RELN: variants seen among roughly 807,000 people sequenced by gnomAD.
The protein encoded by RELN is reelin.
RELN carries 108 observed loss-of-function variants against 427.6 expected under a neutral mutation model. The ratio of observed to expected loss-of-function variants is 0.25; its 90% confidence interval spans 0.22 to 0.30. RELN has a LOEUF of 0.30. Ranked by LOEUF, RELN falls within the 10% of genes least tolerant of loss-of-function variation. The pLI is 1.00. For missense variants in RELN, 3,715 were observed against 4,302.8 expected (o/e 0.86, Z 3.82); for synonymous variants, 1,524 against 1,513.4 (o/e 1.01, Z -0.16).
chr7:103,932,140 T>C (rs566606536), intron 1 of RELN, among the ~76,000 whole-genome samples: 3 of 152,260 alleles, frequency 2.0e-5, no homozygotes, highest in Non-Finnish European at 2.9e-5. Context: ...TTAACCTAAA[T>C]GCCCATCAAT....
chr7:103,611,073 G>A (rs567801089), intron 21 of RELN, among the ~76,000 whole-genome samples: 3 of 152,236 alleles, frequency 2.0e-5, no homozygotes, highest in Admixed American at 1.3e-4. Context: ...AAACAGAGAC[G>A]GATTAGGATT....
intron 6 of RELN, among the ~76,000 whole-genome samples, chr7:103,732,567 A>G (rs2299377): frequency 0.48 from 73,170 of 151,984 alleles, 18,374 homozygotes; most frequent in Non-Finnish European, 0.57. Flanking sequence ...ACCGTACAGA[A>G]GGCAACTGGT....
At chr7:103,670,945 C>T (rs572739185) in intron 11 of RELN, among the ~76,000 whole-genome samples, 1 of 151,922 alleles carries the variant, frequency 6.6e-6, no homozygotes, top group African/African-American at 2.4e-5. Context: ...GAACTAAGAT[C>T]CAGAATAAAG....
chr7:103,931,181 T>C (rs1795856680), intron 1 of RELN, among the ~76,000 whole-genome samples: 1 of 152,098 alleles, frequency 6.6e-6, no homozygotes, highest in Admixed American at 6.5e-5. Context: ...GCCTCTCACC[T>C]GCCATTCTAG....
intron 4 of RELN, among the ~76,000 whole-genome samples, chr7:103,773,370 CCT>C (rs1200512871): frequency 2.5e-3 from 10 of 3,982 alleles, no homozygotes; most frequent in African/African-American, 5.9e-3. Context: ...TCTCTCTCTC[CCT>C]CCCTCCCTCC....
rs758902738 is a variant in RELN at position 103,565,475 on chromosome 7, G to T, written c.5013C>A (p.Gly1671=). Residue 1671 remains glycine, a synonymous_variant, in exon 34 of 65, where the codon GGC becomes GGA. Coordinates refer to ENST00000428762, the MANE Select transcript of RELN (RefSeq NM_005045.4). Reference sequence around the variant, plus strand: ...GGGAGTTGCTGAAGGGCTTGCTACAGCCCATGCTCATTTCAAACTGCAAAA... The same window carrying T: ...GGGAGTTGCTGAAGGGCTTGCTACATCCCATGCTCATTTCAAACTGCAAAA... ...STFLQFEMSM[G]CSKPFSNSHS... The T allele has an allele frequency of 1.4e-5, 22 of 1,613,616 alleles. No homozygotes were observed. The highest frequency in any genetic ancestry group is 1.8e-5 in the Non-Finnish European group (21 of 1,179,886).
At chr7:103,722,219 A>C (rs1289820604) in intron 8 of RELN, among the ~76,000 whole-genome samples, 1 of 152,164 alleles carries the variant, frequency 6.6e-6, no homozygotes, top group Non-Finnish European at 1.5e-5. Context: ...ACTTAAAGAA[A>C]ACTGTTCTTC....
At chr7:103,812,102 G>A (rs1792757877) in intron 3 of RELN, among the ~76,000 whole-genome samples, 1 of 152,136 alleles carries the variant, frequency 6.6e-6, no homozygotes, top group Admixed American at 6.5e-5. Flanking sequence ...TTTGCTTTCA[G>A]GTGACTTTCA....
intron 6 of RELN, 74 bp downstream of exon 6, chr7:103,749,352 T>A: frequency 8.8e-7 from 1 of 1,139,726 alleles, no homozygotes; most frequent in African/African-American, 1.5e-5. Context: ...TTTAAGTAAC[T>A]GCTCCTTAAA....
intron 9 of RELN, among the ~76,000 whole-genome samples, chr7:103,698,795 G>A (rs1256637021): frequency 6.6e-6 from 1 of 152,172 alleles, no homozygotes; most frequent in Non-Finnish European, 1.5e-5. Context: ...GGCTGCTAGA[G>A]TGAGCCACCG....
chr7:103,659,723 A>C (rs943779483), intron 12 of RELN, among the ~76,000 whole-genome samples: 2 of 152,152 alleles, frequency 1.3e-5, no homozygotes, highest in African/African-American at 4.8e-5. Context: ...GTGGGTGGGA[A>C]CTCAGATTAA....
chr7:103,630,842 TA>T lies in RELN; in HGVS notation c.2466-667del, dbSNP rs1253418613. 6.2e-3 allele frequency among the ~76,000 whole-genome samples: 443 copies of T among 71,984 alleles called. 6 individuals carry two copies. Among genetic ancestry groups the T allele is most frequent in the East Asian group, 0.058 (153 of 2,642 alleles). 47.2% of individuals were successfully genotyped at this position (71,984 alleles called of 152,430 possible). A position where few individuals can be genotyped will look rare whatever the true frequency, so the allele number is the denominator to read the frequency against. On this transcript the variant is annotated intron_variant, in intron 19 of 64. Transcript: ENST00000428762. ...TAAAGACACACTGAAAGGGCTGAGTTATTTTTTTGTTTTTTTTGTTTTTTTT... is the reference window on the plus strand; with the variant it reads ...TAAAGACACACTGAAAGGGCTGAGTTTTTTTTTGTTTTTTTTGTTTTTTTT...
At chr7:103,748,125 T>C (rs954172383) in intron 6 of RELN, among the ~76,000 whole-genome samples, 6 of 146,948 alleles carry the variant, frequency 4.1e-5, no homozygotes, top group Non-Finnish European at 9.0e-5. Context: ...TGGGTAAAAG[T>C]GCTACTTAGA....
At chr7:103,923,387 T>C (rs946117870) in intron 1 of RELN, among the ~76,000 whole-genome samples, 14 of 152,168 alleles carry the variant, frequency 9.2e-5, no homozygotes, top group African/African-American at 3.4e-4. Context: ...AATTCCATTT[T>C]GACATGGTTT....
chr7:103,843,207 A>C (rs2116439785), intron 2 of RELN, among the ~76,000 whole-genome samples: 1 of 152,058 alleles, frequency 6.6e-6, no homozygotes, highest in Non-Finnish European at 1.5e-5. Flanking sequence ...AGACTCAGGA[A>C]ATTTTTTTTT....
intron 2 of RELN, among the ~76,000 whole-genome samples, chr7:103,904,445 T>C (rs1795151476): frequency 6.6e-6 from 1 of 152,194 alleles, no homozygotes; most frequent in South Asian, 2.1e-4. Context: ...TCTTCCACAA[T>C]GGTTGAACTA....
intron 1 of RELN, among the ~76,000 whole-genome samples, chr7:103,959,408 T>C (rs1175700893): frequency 6.6e-6 from 1 of 152,208 alleles, no homozygotes; most frequent in Non-Finnish European, 1.5e-5. Context: ...AATTCCAGAC[T>C]TTTCAACACC....
At chr7:103,561,041 A>C (rs542234468) in intron 36 of RELN, among the ~76,000 whole-genome samples, 56 of 152,334 alleles carry the variant, frequency 3.7e-4, no homozygotes, top group African/African-American at 1.2e-3. Flanking sequence ...ATTCTCTCTA[A>C]CCAGACATCT....
chr7:103,542,739 T>C lies in RELN; in HGVS notation c.6663A>G (p.Ser2221=). 6.2e-7 allele frequency: 1 copy of C among 1,614,152 alleles called. No individual in the cohort carries two copies. The highest frequency in any genetic ancestry group is 8.5e-7 in the Non-Finnish European group (1 of 1,179,994). ...RMLMTRDLDL[S]HARFVQFFMR... ...CATCTAAAAATGATTACCTAGCATG[T>C]GATAAATCCAGGTCTCGTGTCATCA... The change falls in exon 43 of 65, where the codon TCA becomes TCG. Residue 2221 remains serine, a synonymous_variant. Coordinates refer to ENST00000428762, the MANE Select transcript of RELN (RefSeq NM_005045.4).
Sources: gnomAD v4.1 joint callset for allele counts (sites outside exome capture counted in the v4.1 genomes callset) on GRCh38, gnomAD v4.1.1 for gene constraint, MANE v1.5 for transcripts, NCBI Gene and HGNC (gene_info 2026-07-23, HGNC 2026-07-21) for gene names.